RBM33: variants seen among roughly 807,000 people sequenced by gnomAD.
RBM33 encodes the protein RNA binding motif protein 33.
In RBM33, 28 loss-of-function variants were observed where a neutral mutation model predicts 132.6. The observed-to-expected ratio is 0.21, with a 90% confidence interval of 0.16 to 0.29. The LOEUF (loss-of-function observed/expected upper bound fraction) is 0.29, where lower values mean the gene tolerates loss of function less well. Ranked by LOEUF, RBM33 falls within the 10% of genes least tolerant of loss-of-function variation. RBM33 has a pLI of 1.00. For missense variants in RBM33, 1,291 were observed against 1,518.5 expected, an observed-to-expected ratio of 0.85 and a Z score of 2.49; for synonymous variants, 634 against 593.0, an observed-to-expected ratio of 1.07 and a Z score of -1.01.
Position 155,739,916 on chromosome 7 carries a change from C to T in RBM33, c.1939C>T (p.Pro647Ser). The T allele has an allele frequency of 6.4e-7, 1 of 1,551,478 alleles. No homozygotes were observed. The highest frequency in any genetic ancestry group is 8.7e-7 in the Non-Finnish European group (1 of 1,147,166). ...HHHHHLSVPPPPLMPMSQPQF... is the reference protein window; with the variant it reads ...HHHHHLSVPPSPLMPMSQPQF... ...CCACCACCACCTGTCCGTCCCGCCC[C>T]CTCCTTTGATGCCGATGTCTCAGCC... Residue 647 changes from proline to serine, a missense_variant, in exon 12 of 18, where the codon CCT becomes TCT. Physicochemically the swap from Pro to Ser is moderately conservative, Grantham distance 74. This residue lies in a region of RBM33 where 841 missense variants were observed against 912.0 expected (regional missense o/e 0.92). Transcript: ENST00000401878.
At chr7:155,692,283 C>G (rs974911904) in intron 5 of RBM33, among the ~76,000 whole-genome samples, 4 of 152,080 alleles carry the variant, frequency 2.6e-5, no homozygotes, top group Admixed American at 6.6e-5. Context: ...TAGTCTGATT[C>G]ACTTGAGGGA....
rs763023299 is a variant in RBM33 at position 155,741,951 on chromosome 7, G to C, written c.2182G>C (p.Ala728Pro). ...AGAAATGAGCAGCAGCCGCTGCTCT[G>C]CCACGCCCTCAGCACAAGTGAAACC... is the stretch of plus-strand genomic sequence containing the variant. Reference protein sequence around the residue: ...VIEMSSSRCSATPSAQVKPIV... With the variant: ...VIEMSSSRCSPTPSAQVKPIV... Residue 728 changes from alanine to proline, a missense_variant, in exon 13 of 18, where the codon GCC (alanine) becomes CCC (proline). This residue lies in a region of RBM33 where 841 missense variants were observed against 912.0 expected (regional missense o/e 0.92). Coordinates refer to ENST00000401878, the MANE Select transcript of RBM33 (RefSeq NM_053043.3). 14 of 1,613,858 alleles carry C rather than the reference G, an allele frequency of 8.7e-6. No homozygotes were observed. In the Middle Eastern group the frequency reaches 4.9e-4, roughly 57 times the overall value.
rs999944026 is a variant in RBM33 at position 155,766,462 on chromosome 7, A to T, written c.3187-5A>T. ...CTCTGAATGTATTTCCTTTGTTGTC[A>T]CCAGGCCATCATGCACGGACGAGGC... is the stretch of plus-strand genomic sequence containing the variant. On this transcript the variant is annotated splice_polypyrimidine_tract_variant and splice_region_variant and intron_variant, in intron 15 of 17. Coordinates refer to ENST00000401878, the MANE Select transcript of RBM33 (RefSeq NM_053043.3). 4 of 1,613,008 alleles carry T rather than the reference A, an allele frequency of 2.5e-6. No homozygotes were observed. The highest frequency in any genetic ancestry group is 3.4e-6 in the Non-Finnish European group (4 of 1,179,732).
At chr7:155,671,340 C>T (rs1370163383) in intron 2 of RBM33, among the ~76,000 whole-genome samples, 2 of 152,162 alleles carry the variant, frequency 1.3e-5, no homozygotes, top group Non-Finnish European at 2.9e-5. Context: ...AAGTTCTTGT[C>T]CTGCATCTGT....
intron 4 of RBM33, among the ~76,000 whole-genome samples, 169 bp downstream of exon 4, chr7:155,678,853 C>T (rs1052596961): frequency 2.0e-5 from 3 of 152,096 alleles, no homozygotes; most frequent in African/African-American, 7.2e-5. Flanking sequence ...TATGGATGTT[C>T]TGTAAACAGA....
intron 14 of RBM33, among the ~76,000 whole-genome samples, chr7:155,762,302 C>CT (rs752550943): frequency 2.0e-5 from 3 of 152,240 alleles, no homozygotes; most frequent in Non-Finnish European, 2.9e-5. Context: ...GCCTTTCCCT[C>CT]TGAGGGTGCT....
At chr7:155,677,626 G>A (rs1032585421) in intron 3 of RBM33, among the ~76,000 whole-genome samples, 9 of 152,132 alleles carry the variant, frequency 5.9e-5, no homozygotes, top group African/African-American at 2.2e-4. Flanking sequence ...TCTTATTGTG[G>A]TGTCAGTGAT....
rs376251372 is a variant in RBM33, at chr7:155,711,231, C to G, written c.977C>G (p.Pro326Arg). 11 of 1,588,552 alleles carry G rather than the reference C, an allele frequency of 6.9e-6. No homozygotes were observed. Among genetic ancestry groups the G allele is most frequent in the Admixed American group, 1.8e-5 (1 of 56,462 alleles). The change falls in exon 8 of 18, where the codon CCG becomes CGG. Residue 326 changes from proline (P) to arginine (R), a missense_variant. By Grantham distance (103) the Pro-to-Arg change is moderately radical. Coordinates refer to ENST00000401878, the MANE Select transcript of RBM33 (RefSeq NM_053043.3). The stretch of plus-strand genomic sequence containing the variant: ...CAGGCTCCCCCTCCACCGCCACCGC[C>G]GCCTCAGCAGCAGCCGATCAGAAGC... The part of the protein sequence containing the change: ...VPQAPPPPPP[P>R]PQQQPIRSLF...
chr7:155,699,653 TCTC>T (rs1452763660), intron 5 of RBM33, among the ~76,000 whole-genome samples: 1 of 152,214 alleles, frequency 6.6e-6, no homozygotes, highest in Non-Finnish European at 1.5e-5. Flanking sequence ...TTTACTGTCA[TCTC>T]CTGCTGTTCA....
chr7:155,677,510 A>G (rs73167117), intron 3 of RBM33, among the ~76,000 whole-genome samples: 9,827 of 152,222 alleles, frequency 0.065, 480 homozygotes, highest in African/African-American at 0.14. Flanking sequence ...GCGCCCAGCC[A>G]GAAACTTCAT....
intron 8 of RBM33, among the ~76,000 whole-genome samples, chr7:155,716,301 T>A (rs1438357452): frequency 1.4e-5 from 2 of 146,874 alleles, no homozygotes; most frequent in Admixed American, 6.8e-5. Flanking sequence ...TGTCAGCTGT[T>A]TTTCCTTTTC....
intron 15 of RBM33, among the ~76,000 whole-genome samples, chr7:155,764,256 G>A (rs1024215581): frequency 1.3e-5 from 2 of 152,168 alleles, no homozygotes; most frequent in African/African-American, 4.8e-5. Context: ...CCAGGAGTGC[G>A]ATTGCTTCCT....
chr7:155,688,084 G>A (rs1257893276), intron 5 of RBM33, among the ~76,000 whole-genome samples: 2 of 152,206 alleles, frequency 1.3e-5, no homozygotes, highest in South Asian at 2.1e-4. Context: ...CCATTTTCAC[G>A]ATATTAATTC....
chr7:155,690,869 A>G (rs1799619030), intron 5 of RBM33, among the ~76,000 whole-genome samples: 1 of 152,170 alleles, frequency 6.6e-6, no homozygotes, highest in African/African-American at 2.4e-5. Context: ...CTTTGTGGGT[A>G]ACCCGACCTT....
chr7:155,760,696 G>A (rs1233528426), intron 14 of RBM33, among the ~76,000 whole-genome samples: 2 of 152,148 alleles, frequency 1.3e-5, no homozygotes, highest in Non-Finnish European at 2.9e-5. Context: ...AAACTTTTTA[G>A]TATAGAAAAT....
At chr7:155,680,532 T>A in intron 4 of RBM33, 58 bp from the exon 5 acceptor site, 1 of 1,194,024 alleles carries the variant, frequency 8.4e-7, no homozygotes, top group Non-Finnish European at 1.1e-6. Flanking sequence ...ATATAATGAT[T>A]TAGTTTGAGC....
At chr7:155,718,040 G>T (rs1196400482) in intron 8 of RBM33, among the ~76,000 whole-genome samples, 1 of 152,142 alleles carries the variant, frequency 6.6e-6, no homozygotes, top group African/African-American at 2.4e-5. Context: ...ACTGGGATTT[G>T]ATAACCTGGA....
intron 5 of RBM33, among the ~76,000 whole-genome samples, chr7:155,685,651 A>G (rs1367771822): frequency 2.6e-5 from 4 of 152,170 alleles, no homozygotes; most frequent in South Asian, 4.2e-4. Context: ...ACTCTGAGGT[A>G]GGTCTTGAAA....
At chr7:155,732,727 A>G (rs1800991552) in intron 9 of RBM33, among the ~76,000 whole-genome samples, 1 of 152,112 alleles carries the variant, frequency 6.6e-6, no homozygotes, top group South Asian at 2.1e-4. Flanking sequence ...GAAGAGGGGG[A>G]AGGAAGTGCG....
Sources: gnomAD v4.1 joint callset for allele counts (sites outside exome capture counted in the v4.1 genomes callset) on GRCh38, gnomAD v4.1.1 for gene constraint, gnomAD v4.1.1 regional missense constraint, MANE v1.5 for transcripts, NCBI Gene and HGNC (gene_info 2026-07-23, HGNC 2026-07-21) for gene names.